SEMA6A: variants seen among roughly 807,000 people sequenced by gnomAD.
SEMA6A encodes semaphorin 6A.
In SEMA6A, 25 loss-of-function variants were observed where a neutral mutation model predicts 96.8. The observed-to-expected ratio is 0.26, with a 90% confidence interval of 0.19 to 0.36. SEMA6A has a LOEUF of 0.36. Among genes scored for constraint, SEMA6A ranks in the 10% least tolerant of loss-of-function variants. The pLI, the probability that SEMA6A is intolerant of heterozygous loss-of-function variation, is 1.00. For synonymous variants in SEMA6A, 612 were observed against 518.0 expected, an observed-to-expected ratio of 1.18 and a Z score of -2.46; for missense variants, 1,363 against 1,323.1, an observed-to-expected ratio of 1.03 and a Z score of -0.47.
chr5:116,451,634 C>T (rs26601), intron 18 of SEMA6A, among the ~76,000 whole-genome samples: 149,817 of 152,288 alleles, frequency 0.98, 73,701 homozygotes, highest in East Asian at 1. Flanking sequence ...GGTAACTCAA[C>T]AAATGATGGC....
intron 17 of SEMA6A, chr5:116,471,511 G>A (rs1756143321): frequency 6.6e-6 from 1 of 152,152 alleles, no homozygotes; most frequent in African/African-American, 2.4e-5. Flanking sequence ...TTGGAAAAAA[G>A]CAGATGCTAA....
At position 116,447,300 on chromosome 5, in the gene SEMA6A, G is replaced by T. The variant is rs545850710; in HGVS notation, c.2406C>A (p.Asp802Glu). The change falls in exon 19 of 19, where the codon GAC becomes GAA. Residue 802 changes from aspartate (D) to glutamate (E), a missense_variant. Asp to Glu is a conservative substitution (Grantham distance 45). Transcript: ENST00000343348. The stretch of plus-strand genomic sequence containing the variant: ...GGCTGGGGGAGGCCCGCAGGGGCAG[G>T]TCCGTGGGAATCACAGGGGAGCCCA... ...PPMGSPVIPTDLPLRASPSHI... is the reference protein window; with the variant it reads ...PPMGSPVIPTELPLRASPSHI... The T allele has an allele frequency of 6.2e-6, 10 of 1,613,808 alleles. No homozygotes were observed. The African/African-American group carries it at 1.3e-4, about 21-fold the overall frequency.
chr5:116,462,379 T>C (rs60781304), intron 18 of SEMA6A, among the ~76,000 whole-genome samples: 14,735 of 152,174 alleles, frequency 0.097, 776 homozygotes, highest in Admixed American at 0.12. Flanking sequence ...AGAGTCCTTC[T>C]GGATATCAGC....
At chr5:116,473,458 A>T (rs1756276574) in intron 16 of SEMA6A, among the ~76,000 whole-genome samples, 1 of 152,242 alleles carries the variant, frequency 6.6e-6, no homozygotes, top group Admixed American at 6.5e-5. Context: ...CTTACAAAGA[A>T]AACACTTATT....
intron 1 of SEMA6A, among the ~76,000 whole-genome samples, chr5:116,525,337 C>T (rs568687335): frequency 6.6e-6 from 1 of 152,046 alleles, no homozygotes; most frequent in Non-Finnish European, 1.5e-5. Context: ...ATGATGTTTT[C>T]CCTTCGTACA....
intron 2 of SEMA6A, among the ~76,000 whole-genome samples, chr5:116,503,232 GA>G: frequency 6.6e-6 from 1 of 152,184 alleles, no homozygotes; most frequent in Non-Finnish European, 1.5e-5. Flanking sequence ...GGGTGTAAAT[GA>G]TGACTAGAAA....
chr5:116,489,167 C>A (rs746267008), intron 7 of SEMA6A, among the ~76,000 whole-genome samples, 160 bp from the exon 8 acceptor site: 2 of 152,130 alleles, frequency 1.3e-5, no homozygotes, highest in African/African-American at 2.4e-5. Context: ...GGCCCACATT[C>A]CTAACCATTT....
chr5:116,496,408 A>AGC, intron 4 of SEMA6A, 95 bp from the exon 5 acceptor site: 2 of 993,244 alleles, frequency 2.0e-6, no homozygotes, highest in South Asian at 2.9e-5. Context: ...AAGGCTGAAC[A>AGC]TATATTTATT....
rs769403156 is a variant in SEMA6A at position 116,467,717 on chromosome 5, G to C, written c.1760C>G (p.Thr587Ser). The C allele has an allele frequency of 3.1e-6, 5 of 1,613,686 alleles. No individual in the cohort carries two copies. The highest frequency in any genetic ancestry group is 2.7e-5 in the African/African-American group (2 of 74,890). The change falls in exon 18 of 19, where the codon ACC becomes AGC. Residue 587 changes from threonine (T) to serine (S), a missense_variant. Around this residue, in one of 2 missense-constraint regions of SEMA6A, gnomAD observed 883 missense variants for 763.6 expected, o/e 1.16. Coordinates refer to ENST00000343348, the MANE Select transcript of SEMA6A (RefSeq NM_020796.5). ...GHSSSLLPST[T>S]TSDSTAQEGY... ...CTCTTGAGCCGTCGAATCTGATGTG[G>C]TTGTGCTGGGCAAGAGGGAACTGGA...
intron 1 of SEMA6A, among the ~76,000 whole-genome samples, chr5:116,534,025 C>G (rs1459853543): frequency 3.3e-5 from 5 of 152,202 alleles, no homozygotes; most frequent in African/African-American, 1.2e-4. Context: ...CCTTTTCTTC[C>G]CTTGAGGGAA....
intron 1 of SEMA6A, among the ~76,000 whole-genome samples, chr5:116,549,635 T>A (rs116272260): frequency 0.026 from 4,026 of 152,284 alleles, 73 homozygotes; most frequent in Non-Finnish European, 0.043. Context: ...GAAATTACCC[T>A]CTTCTCTTCT....
chr5:116,509,660 G>T (rs1758318157), intron 1 of SEMA6A, among the ~76,000 whole-genome samples: 1 of 152,040 alleles, frequency 6.6e-6, no homozygotes, highest in South Asian at 2.1e-4. Flanking sequence ...GGAGTGGCCT[G>T]CCTCTGGGTC....
At chr5:116,527,562 C>T (rs1759284129) in intron 1 of SEMA6A, among the ~76,000 whole-genome samples, 1 of 152,178 alleles carries the variant, frequency 6.6e-6, no homozygotes, top group Non-Finnish European at 1.5e-5. Flanking sequence ...TCTTATCCAC[C>T]TTCTTCCTAA....
intron 1 of SEMA6A, among the ~76,000 whole-genome samples, chr5:116,569,301 C>A (rs912404648): frequency 3.0e-4 from 45 of 152,092 alleles, no homozygotes; most frequent in African/African-American, 1.0e-3. Flanking sequence ...GGGGAAAGAA[C>A]CATCCCAAGG....
rs1754030070 is a variant in SEMA6A, at chr5:116,443,731, C to CA, written c.*2881dup. ...AATTGGTGACATCACAATATTTTTACAACTTTACAACAAATATAAATCTGA... is the reference window on the plus strand; with the variant it reads ...AATTGGTGACATCACAATATTTTTACAAACTTTACAACAAATATAAATCTGA... On this transcript the variant is annotated 3_prime_UTR_variant, in exon 19 of 19. Coordinates refer to ENST00000343348, the MANE Select transcript of SEMA6A (RefSeq NM_020796.5). 6.6e-6 allele frequency: 1 copy of CA among 152,372 alleles called. No homozygotes were observed. Among genetic ancestry groups the CA allele is most frequent in the Non-Finnish European group, 1.5e-5 (1 of 68,008 alleles). 9.4% of individuals were successfully genotyped at this position (152,372 alleles called of 1,614,324 possible).
chr5:116,503,917 G>A (rs986900050), intron 2 of SEMA6A, among the ~76,000 whole-genome samples: 18 of 152,152 alleles, frequency 1.2e-4, no homozygotes, highest in African/African-American at 3.9e-4. Flanking sequence ...GGTGGACTCT[G>A]CTATTTCAGG....
chr5:116,545,091 G>A (rs552319765), intron 1 of SEMA6A, among the ~76,000 whole-genome samples: 1 of 152,142 alleles, frequency 6.6e-6, no homozygotes, highest in South Asian at 2.1e-4. Flanking sequence ...CACCTGCTCT[G>A]ACCTAAGTCA....
At chr5:116,557,581 T>C (rs548223809) in intron 1 of SEMA6A, among the ~76,000 whole-genome samples, 1 of 152,236 alleles carries the variant, frequency 6.6e-6, no homozygotes, top group Non-Finnish European at 1.5e-5. Flanking sequence ...ACATACAAAA[T>C]AGAAAATAAA....
chr5:116,446,330 T>C lies in SEMA6A; in HGVS notation c.*283A>G. The C allele has an allele frequency of 3.1e-6, 1 of 319,996 alleles. No homozygotes were observed. The highest frequency in any genetic ancestry group is 5.7e-6 in the Non-Finnish European group (1 of 174,472). 19.8% of individuals were successfully genotyped at this position (319,996 alleles called of 1,614,324 possible). ...GGTATGTGCTTTTGGCTCATGTTTG[T>C]GATGATAACTGAAGTCTTTTGTGGG... On this transcript the variant is annotated 3_prime_UTR_variant, in exon 19 of 19. Coordinates refer to ENST00000343348, the MANE Select transcript of SEMA6A (RefSeq NM_020796.5).
Sources: gnomAD v4.1 joint callset for allele counts (sites outside exome capture counted in the v4.1 genomes callset) on GRCh38, gnomAD v4.1.1 for gene constraint, gnomAD v4.1.1 regional missense constraint, MANE v1.5 for transcripts, NCBI Gene and HGNC (gene_info 2026-07-23, HGNC 2026-07-21) for gene names.